Variants in SNED1 observed in about 807,000 individuals in gnomAD.
SNED1 encodes the protein sushi, nidogen and EGF-like domain-containing protein 1.
In SNED1, 81 loss-of-function variants were observed where a neutral mutation model predicts 166.7. The observed-to-expected ratio is 0.49, with a 90% CI of 0.41 to 0.58. The LOEUF is 0.58. SNED1 is among the 20% of genes least tolerant of loss of function. The probability of loss-of-function intolerance (pLI) is 0.00; values close to 1 mark genes in which losing one functional copy is unlikely to be tolerated. For synonymous variants in SNED1, 762 were observed against 822.0 expected, an observed-to-expected ratio of 0.93 and a Z score of 1.25; for missense variants, 1,604 against 2,000.2, an observed-to-expected ratio of 0.80 and a Z score of 3.78.
At position 241,015,101 on chromosome 2, in the gene SNED1, T is replaced by C. The variant is rs568766398; in HGVS notation, c.214-15183T>C. ...CTTGGTTATTTTGGACTTTGCATTT[T>C]CACATAAAATGTAGAATTGGCTTAT... On this transcript the variant is annotated intron_variant, in intron 1 of 31. Transcript: ENST00000310397. Among the ~76,000 whole-genome samples, 191 of 152,332 alleles carry C rather than the reference T, an allele frequency of 1.3e-3. 1 individual carries two copies. The highest frequency in any genetic ancestry group is 4.4e-3 in the African/African-American group (184 of 41,566).
chr2:241,053,279 G>A lies in SNED1; in HGVS notation c.2210G>A (p.Arg737Gln), dbSNP rs762114727. The A allele has an allele frequency of 1.3e-5, 21 of 1,601,222 alleles. No homozygotes were observed. The highest frequency in any genetic ancestry group is 2.2e-5 in the East Asian group (1 of 44,638). ...GYSLSAPSRI[R>Q]VCQPHGVWSE... ...AGCCTGAGCGCCCCCAGCCGCATCC[G>A]GGTCTGCCAGCCACACGGTGTCTGG... Residue 737 changes from arginine to glutamine, a missense_variant, in exon 16 of 32, where the codon CGG becomes CAG. By Grantham distance (43) the Arg-to-Gln change is conservative. Around this residue, in one of 2 missense-constraint regions of SNED1, gnomAD observed 1,237 missense variants for 1,620.8 expected, o/e 0.76. Coordinates refer to ENST00000310397, the MANE Select transcript of SNED1 (RefSeq NM_001080437.3).
intron 1 of SNED1, among the ~76,000 whole-genome samples, chr2:241,004,824 G>A (rs1439555565): frequency 6.6e-6 from 1 of 151,748 alleles, no homozygotes; most frequent in Non-Finnish European, 1.5e-5. Context: ...CCAGGTTCAA[G>A]CAATTCTGTG....
In SNED1 at chr2:241,073,289, G is replaced by A. The variant is rs373865004; in HGVS notation, c.3841G>A (p.Glu1281Lys). 1.6e-4 allele frequency: 248 copies of A among 1,564,682 alleles called. No individual in the cohort carries two copies. Among genetic ancestry groups the A allele is most frequent in the South Asian group, 2.2e-4 (19 of 84,642 alleles). ...RSQPTASAQL[E>K]NMEEAPKRVS... is the part of the protein sequence containing the mutation. ...AGAACCCACAGCCTCGGCGCAGCTCGAGAACATGGAGGAAGCCCCCAAGCG... is the reference window on the plus strand; with the variant it reads ...AGAACCCACAGCCTCGGCGCAGCTCAAGAACATGGAGGAAGCCCCCAAGCG... The change falls in exon 27 of 32, where the codon GAG (glutamate) becomes AAG (lysine). Residue 1281 changes from glutamate (E) to lysine (K), a missense_variant. Transcript: ENST00000310397. This position sits in a 1 kb window ranked among gnomAD's most constrained non-coding sequence, Gnocchi z 6.6.
chr2:241,011,133 TCTC>T (rs2060382775), intron 1 of SNED1, among the ~76,000 whole-genome samples: 1 of 77,228 alleles, frequency 1.3e-5, no homozygotes, highest in Non-Finnish European at 2.2e-5. Context: ...GGGTGGCAGG[TCTC>T]CTGGTTCTCC....
chr2:241,036,849 G>A lies in SNED1; in HGVS notation c.865G>A (p.Val289Ile), dbSNP rs200538396. 22 of 1,611,654 alleles carry A rather than the reference G, an allele frequency of 1.4e-5. No individual in the cohort carries two copies. Among genetic ancestry groups the A allele is most frequent in the Middle Eastern group, 1.7e-4 (1 of 6,056 alleles). Residue 289 changes from valine to isoleucine, a missense_variant, in exon 5 of 32, where the codon GTC becomes ATC. Coordinates refer to ENST00000310397, the MANE Select transcript of SNED1 (RefSeq NM_001080437.3). ...CGGCGGCAAGTGCATCGACGACTGC[G>A]TCACGGGCAACCCCTCCTACACCTG... ...LNGGKCIDDC[V>I]TGNPSYTCSC... is the part of the protein sequence containing the mutation.
At chr2:241,007,678 T>G (rs1256078176) in intron 1 of SNED1, among the ~76,000 whole-genome samples, 1 of 152,230 alleles carries the variant, frequency 6.6e-6, no homozygotes, top group Non-Finnish European at 1.5e-5. Context: ...AAAACAGACT[T>G]CGGGTTACCA....
chr2:241,064,808 C>T lies in SNED1; in HGVS notation c.2600-36C>T, dbSNP rs576064577. On this transcript the variant is annotated intron_variant, in intron 19 of 31. Coordinates refer to ENST00000310397, the MANE Select transcript of SNED1 (RefSeq NM_001080437.3). The surrounding 1 kb of genome is among the most constrained non-coding windows in gnomAD (Gnocchi z 7.0). ...GGGCTGGAGCAGGGACCCCTGGCCA[C>T]GCCCCAACATACACTGCCACTTTTT... 39 of 1,453,856 alleles carry T rather than the reference C, an allele frequency of 2.7e-5. No individual in the cohort carries two copies. The highest frequency in any genetic ancestry group is 1.3e-4 in the South Asian group (10 of 76,768). 90.1% of individuals were successfully genotyped at this position (1,453,856 alleles called of 1,614,324 possible).
intron 26 of SNED1, 195 bp downstream of exon 26, chr2:241,072,073 G>A (rs2062755422): frequency 1.4e-6 from 1 of 704,266 alleles, no homozygotes; most frequent in East Asian, 2.7e-5. Flanking sequence ...ATGGCAGGAG[G>A]GGCAGCTCGT....
At chr2:241,062,538 T>G (rs1283276114) in intron 16 of SNED1, among the ~76,000 whole-genome samples, 1 of 152,080 alleles carries the variant, frequency 6.6e-6, no homozygotes, top group Non-Finnish European at 1.5e-5. Flanking sequence ...TGGAATTAAG[T>G]CCCACAGCGT....
At chr2:241,008,290 C>T (rs1327421850) in intron 1 of SNED1, among the ~76,000 whole-genome samples, 1 of 152,216 alleles carries the variant, frequency 6.6e-6, no homozygotes, top group Non-Finnish European at 1.5e-5. Context: ...CCCCTCCCTC[C>T]GAGGGCTGCT....
Position 241,036,907 on chromosome 2 carries a change from G to A in SNED1, c.923G>A (p.Cys308Tyr). Residue 308 changes from cysteine (C) to tyrosine (Y), a missense_variant, in exon 5 of 32, where the codon TGC becomes TAC. By Grantham distance (194) the Cys-to-Tyr change is radical (BLOSUM62 -2). Transcript: ENST00000310397. ...SCLSGFTGRR[C>Y]HLDVNECASQ... ...CTCTCGGGCTTCACGGGGCGGAGGT[G>A]CCACCTGGGTGAGTGACTGGCCCAG... The A allele has an allele frequency of 6.2e-7, 1 of 1,610,208 alleles. No individual in the cohort carries two copies.
intron 1 of SNED1, among the ~76,000 whole-genome samples, chr2:241,015,038 T>C (rs1035092829): frequency 6.6e-5 from 10 of 152,244 alleles, no homozygotes; most frequent in Admixed American, 6.5e-4. Flanking sequence ...TGGTGTCTCC[T>C]AGAACAAGCC....
rs1347858966 is a variant in SNED1 at position 241,078,393 on chromosome 2, AAAAAAGAAAGAAAG to A, written c.3917-3279_3917-3266del. Among the ~76,000 whole-genome samples the A allele has an allele frequency of 3.3e-5, 5 of 151,482 alleles. No individual in the cohort carries two copies. The East Asian group carries it at 5.8e-4, about 17-fold the overall frequency. ...ACTAGACTCCGTCTCAAAAAAAAAAAAAAAAGAAAGAAAGAAAAGAAAGGATAAGCAAAACATGG... is the reference window on the plus strand; with the variant it reads ...ACTAGACTCCGTCTCAAAAAAAAAAAAAAAGAAAGGATAAGCAAAACATGG... On this transcript the variant is annotated intron_variant, in intron 27 of 31. Coordinates refer to ENST00000310397, the MANE Select transcript of SNED1 (RefSeq NM_001080437.3).
rs1462684576 is a variant in SNED1 at position 241,048,346 on chromosome 2, G to A, written c.1305G>A (p.Ser435=). 2.5e-6 allele frequency: 4 copies of A among 1,610,382 alleles called. No individual in the cohort carries two copies. The highest frequency in any genetic ancestry group is 3.4e-6 in the Non-Finnish European group (4 of 1,178,646). ...GDHPVPDACL[S]APCHNGGTCV... is the part of the protein sequence containing the mutation. ...ATCCAGTGCCAGACGCCTGCCTCTC[G>A]GCCCCTTGCCACAATGGGGGCACCT... Residue 435 remains serine (S), a synonymous_variant, in exon 9 of 32, where the codon TCG becomes TCA. Transcript: ENST00000310397.
intron 17 of SNED1, 186 bp from the exon 18 acceptor site, chr2:241,063,400 TG>T: frequency 1.6e-6 from 1 of 610,542 alleles, no homozygotes; most frequent in Non-Finnish European, 3.0e-6. Flanking sequence ...CAGCAGGCAG[TG>T]GAGGTGGCAC....
chr2:241,057,404 T>G (rs1052322500), intron 16 of SNED1, among the ~76,000 whole-genome samples: 2 of 144,376 alleles, frequency 1.4e-5, no homozygotes, highest in Non-Finnish European at 3.0e-5. Context: ...TATATATATA[T>G]ATATATATGC....
chr2:241,030,191 G>C, intron 1 of SNED1, 93 bp from the exon 2 acceptor site: 1 of 1,247,322 alleles, frequency 8.0e-7, no homozygotes, highest in South Asian at 1.5e-5. Flanking sequence ...TCCCCTCAGA[G>C]GGTGCCTGGT....
At chr2:241,049,618 T>G (rs966527818) in intron 11 of SNED1, among the ~76,000 whole-genome samples, 199 bp from the exon 12 acceptor site, 1 of 152,046 alleles carries the variant, frequency 6.6e-6, no homozygotes, top group African/African-American at 2.4e-5. Flanking sequence ...TCTGCTAAAA[T>G]CGAGAAAAAG....
At chr2:241,023,986 G>A (rs13398153) in intron 1 of SNED1, among the ~76,000 whole-genome samples, 94,249 of 145,626 alleles carry the variant, frequency 0.65, 31,368 homozygotes, top group African/African-American at 0.82. Context: ...CCCGGGTTCA[G>A]GCAATTCTCC....
Sources: gnomAD v4.1 joint callset for allele counts (sites outside exome capture counted in the v4.1 genomes callset) on GRCh38, gnomAD v4.1.1 for gene constraint, gnomAD v4.1.1 regional missense constraint, Gnocchi (gnomAD v3.1) non-coding constraint, MANE v1.5 for transcripts, NCBI Gene and HGNC (gene_info 2026-07-23, HGNC 2026-07-21) for gene names.